The following PRELID2 variants were observed in gnomAD, a reference collection of about 807,000 sequenced individuals.
PRELID2 encodes the protein PRELI domain containing 2.
Under a neutral mutation model 28.4 loss-of-function variants are expected in PRELID2, and 25 were observed. The observed-to-expected ratio is 0.88, with a 90% CI of 0.64 to 1.23. The LOEUF (loss-of-function observed/expected upper bound fraction) is 1.23. Among genes scored for constraint, PRELID2 ranks in the 50% most tolerant of loss-of-function variants. The probability of loss-of-function intolerance (pLI) is 0.00; values close to 1 mark genes in which losing one functional copy is unlikely to be tolerated. For missense variants in PRELID2, 201 were observed against 214.4 expected (o/e 0.94, Z 0.39); for synonymous variants, 76 against 71.6 (o/e 1.06, Z -0.31).
intron 5 of PRELID2, among the ~76,000 whole-genome samples, chr5:145,780,780 C>T (rs13184016): frequency 0.024 from 3,617 of 152,006 alleles, 71 homozygotes; most frequent in South Asian, 0.038. Flanking sequence ...ACTAAAAGCC[C>T]CTGATTGAGG....
intron 1 of PRELID2, among the ~76,000 whole-genome samples, chr5:145,648,195 A>G (rs938275075): frequency 3.9e-5 from 6 of 152,190 alleles, no homozygotes; most frequent in African/African-American, 9.6e-5. Context: ...AAACTCACAC[A>G]TATACGCTAA....
At chr5:145,535,363 A>T (rs1752690648) in intron 1 of PRELID2, among the ~76,000 whole-genome samples, 1 of 151,866 alleles carries the variant, frequency 6.6e-6, no homozygotes, top group African/African-American at 2.4e-5. Flanking sequence ...ACAGCTAATT[A>T]AGAACACAGT....
chr5:145,741,172 T>A (rs1456770849), intron 1 of PRELID2, among the ~76,000 whole-genome samples: 1 of 112,184 alleles, frequency 8.9e-6, no homozygotes, highest in African/African-American at 3.6e-5. Flanking sequence ...AAATATATAT[T>A]TTATTTATAT....
chr5:145,708,453 T>C (rs1022770868), intron 1 of PRELID2, among the ~76,000 whole-genome samples: 3 of 152,020 alleles, frequency 2.0e-5, no homozygotes, highest in African/African-American at 7.3e-5. Flanking sequence ...AGCTCTAATG[T>C]AATTTTATTA....
chr5:145,299,376 G>A, the PRELID2 span, among the ~76,000 whole-genome samples: 2 of 152,040 alleles, frequency 1.3e-5, no homozygotes, highest in African/African-American at 2.4e-5. Context: ...GAGATCAATT[G>A]CTATTACTCT....
rs572542051 is a variant in PRELID2, at chr5:145,679,870, A to G, written n.70+85061T>C. Among the ~76,000 whole-genome samples the G allele has an allele frequency of 1.9e-3, 291 of 149,800 alleles. 3 individuals are homozygous for G. The highest frequency in any genetic ancestry group is 6.9e-3 in the African/African-American group (282 of 41,160). ...AAATTCATAATACATTTATACAACT[A>G]ATTTTATACAAATAATATATAAAAT... On this transcript the variant is annotated intron_variant and non_coding_transcript_variant, in intron 1 of 2. Transcript: ENST00000510259.
chr5:145,533,207 G>A (rs1339952056), intron 1 of PRELID2, among the ~76,000 whole-genome samples: 1 of 152,022 alleles, frequency 6.6e-6, no homozygotes, highest in Non-Finnish European at 1.5e-5. Flanking sequence ...GTGGGAATGG[G>A]ACAATGTAAA....
chr5:145,498,195 C>T (rs1291862584), intron 1 of PRELID2, among the ~76,000 whole-genome samples: 1 of 150,308 alleles, frequency 6.7e-6, no homozygotes, highest in Admixed American at 6.6e-5. Context: ...TAAAAAAAAA[C>T]TAAATTAGGA....
the PRELID2 span, among the ~76,000 whole-genome samples, chr5:145,435,473 G>A: frequency 3.3e-5 from 5 of 152,110 alleles, no homozygotes; most frequent in South Asian, 4.1e-4. Context: ...GTGGGGTCCC[G>A]TTGACTCTAA....
chr5:145,239,465 A>T, the PRELID2 span, among the ~76,000 whole-genome samples: 1 of 152,000 alleles, frequency 6.6e-6, no homozygotes, highest in Non-Finnish European at 1.5e-5. Flanking sequence ...CACTTAGACA[A>T]AAGGCAAAAA....
intron 1 of PRELID2, among the ~76,000 whole-genome samples, chr5:145,506,774 C>T (rs1301152689): frequency 6.6e-6 from 1 of 152,080 alleles, no homozygotes; most frequent in Non-Finnish European, 1.5e-5. Flanking sequence ...TCTGCCAGGC[C>T]CCTGCTGCTA....
At chr5:145,296,594 T>C in the PRELID2 span, among the ~76,000 whole-genome samples, 322 of 152,320 alleles carry the variant, frequency 2.1e-3, 10 homozygotes, top group East Asian at 0.053. Flanking sequence ...TCTATCATTG[T>C]TGGACATTTC....
the PRELID2 span, among the ~76,000 whole-genome samples, chr5:145,362,096 A>G: frequency 6.6e-6 from 1 of 152,154 alleles, no homozygotes; most frequent in Non-Finnish European, 1.5e-5. Flanking sequence ...TATCTCATTC[A>G]TTACCATCTC....
At chr5:145,368,463 T>C in the PRELID2 span, among the ~76,000 whole-genome samples, 8 of 151,896 alleles carry the variant, frequency 5.3e-5, no homozygotes, top group African/African-American at 1.7e-4. Context: ...ATACCCCACG[T>C]CACTGAAAAT....
At chr5:145,236,121 G>A in the PRELID2 span, among the ~76,000 whole-genome samples, 4 of 152,102 alleles carry the variant, frequency 2.6e-5, no homozygotes, top group Non-Finnish European at 5.9e-5. Flanking sequence ...ACCAACTATG[G>A]TGCATAAATG....
At chr5:145,380,068 C>G in the PRELID2 span, among the ~76,000 whole-genome samples, 1 of 152,186 alleles carries the variant, frequency 6.6e-6, no homozygotes, top group Non-Finnish European at 1.5e-5. Flanking sequence ...GCTCCTGCAC[C>G]AAACCCTCTG....
At chr5:145,491,368 C>A (rs1384939741) in intron 1 of PRELID2, among the ~76,000 whole-genome samples, 1 of 152,044 alleles carries the variant, frequency 6.6e-6, no homozygotes, top group African/African-American at 2.4e-5. Flanking sequence ...GAGGGCTCTG[C>A]CTTCATGACT....
At chr5:145,556,636 C>T (rs1752882184) in intron 1 of PRELID2, among the ~76,000 whole-genome samples, 1 of 152,184 alleles carries the variant, frequency 6.6e-6, no homozygotes, top group Non-Finnish European at 1.5e-5. Context: ...CACCAACCAT[C>T]ATCCAATGGT....
At chr5:145,496,757 A>AGT (rs2126630638) in intron 1 of PRELID2, among the ~76,000 whole-genome samples, 1 of 151,862 alleles carries the variant, frequency 6.6e-6, no homozygotes, top group South Asian at 2.1e-4. Context: ...CGTGGTCTGA[A>AGT]AGTTCTTTCT....
Sources: gnomAD v4.1 joint callset for allele counts (sites outside exome capture counted in the v4.1 genomes callset) on GRCh38, gnomAD v4.1.1 for gene constraint, MANE v1.5 for transcripts, NCBI Gene and HGNC (gene_info 2026-07-23, HGNC 2026-07-21) for gene names.